The following HHAT variants were observed in gnomAD, a reference collection of about 807,000 sequenced individuals.
The protein encoded by HHAT is protein-cysteine N-palmitoyltransferase HHAT.
In HHAT, 47 loss-of-function variants were observed where a neutral mutation model predicts 70.8. The observed-to-expected ratio is 0.66, with a 90% confidence interval of 0.53 to 0.85. The LOEUF (loss-of-function observed/expected upper bound fraction) is 0.85, where lower values mean the gene tolerates loss of function less well. Ranked by LOEUF, HHAT falls within the 40% of genes least tolerant of loss-of-function variation. The pLI, the probability that HHAT is intolerant of heterozygous loss-of-function variation, is 0.00. For missense variants in HHAT, 609 were observed against 604.8 expected, an observed-to-expected ratio of 1.01 and a Z score of -0.07; for synonymous variants, 228 against 247.6, an observed-to-expected ratio of 0.92 and a Z score of 0.74.
chr1:210,595,139 C>T lies in HHAT; in HGVS notation c.1245+7040C>T, dbSNP rs1304584217. On this transcript the variant is annotated intron_variant, in intron 10 of 11. Transcript: ENST00000261458. ...ACTCCCCCCACCCCACAACAGGCCCCAGTGTGTGATGTTCCCCTTCCTGTG... is the reference window on the plus strand; with the variant it reads ...ACTCCCCCCACCCCACAACAGGCCCTAGTGTGTGATGTTCCCCTTCCTGTG... Among the ~76,000 whole-genome samples the T allele has an allele frequency of 5.9e-5, 9 of 152,176 alleles. No homozygotes were observed. The East Asian group carries it at 1.7e-3, about 30-fold the overall frequency.
chr1:210,464,121 C>T (rs746946449), intron 7 of HHAT, among the ~76,000 whole-genome samples: 2 of 151,602 alleles, frequency 1.3e-5, no homozygotes, highest in Non-Finnish European at 2.9e-5. Flanking sequence ...CCCTGTTATT[C>T]GGTCAAATAC....
intron 9 of HHAT, among the ~76,000 whole-genome samples, chr1:210,574,303 A>G (rs895216962): frequency 3.3e-5 from 5 of 152,186 alleles, no homozygotes; most frequent in Non-Finnish European, 7.3e-5. Flanking sequence ...GGGGGATGGG[A>G]TGGCATGATT....
chr1:210,510,888 T>C (rs2094941760), intron 8 of HHAT, among the ~76,000 whole-genome samples: 1 of 152,232 alleles, frequency 6.6e-6, no homozygotes, highest in African/African-American at 2.4e-5. Context: ...ATGTCTGCTT[T>C]GTCCTGTGAT....
At chr1:210,603,148 C>T (rs181883136) in intron 10 of HHAT, among the ~76,000 whole-genome samples, 8 of 152,282 alleles carry the variant, frequency 5.3e-5, no homozygotes, top group East Asian at 1.9e-4. Flanking sequence ...TGGAGTAAGA[C>T]GGGTGTCCTG....
intron 7 of HHAT, among the ~76,000 whole-genome samples, chr1:210,448,707 T>G (rs1303800422): frequency 6.6e-6 from 1 of 152,216 alleles, no homozygotes; most frequent in Non-Finnish European, 1.5e-5. Flanking sequence ...TAAATTTTCC[T>G]GTGAAATTAA....
chr1:210,373,231 G>A (rs1402682484), intron 3 of HHAT, among the ~76,000 whole-genome samples: 1 of 152,124 alleles, frequency 6.6e-6, no homozygotes, highest in Non-Finnish European at 1.5e-5. Context: ...GACTCAGAGA[G>A]AAAGGGGGAC....
At chr1:210,503,182 A>T (rs1030216576) in intron 8 of HHAT, among the ~76,000 whole-genome samples, 20 of 151,962 alleles carry the variant, frequency 1.3e-4, no homozygotes, top group East Asian at 1.9e-4. Context: ...CTGGTCTCGA[A>T]CTCCTGGCCT....
intron 9 of HHAT, among the ~76,000 whole-genome samples, chr1:210,571,403 C>T (rs948821433): frequency 6.6e-6 from 1 of 152,198 alleles, no homozygotes; most frequent in African/African-American, 2.4e-5. Context: ...CCTGCAGTTT[C>T]TCCTGTCATG....
intron 2 of HHAT, among the ~76,000 whole-genome samples, chr1:210,355,769 G>T (rs2087544289): frequency 6.6e-6 from 1 of 152,176 alleles, no homozygotes; most frequent in South Asian, 2.1e-4. Context: ...TGAAATGTCT[G>T]CATCAGTGTC....
At chr1:210,383,120 T>G (rs908496193) in intron 3 of HHAT, among the ~76,000 whole-genome samples, 13 of 152,176 alleles carry the variant, frequency 8.5e-5, no homozygotes, top group Admixed American at 6.5e-4. Context: ...CTGGTGGATC[T>G]CTTGAGGTCA....
intron 5 of HHAT, among the ~76,000 whole-genome samples, chr1:210,403,741 T>C (rs961837323): frequency 6.6e-6 from 1 of 152,212 alleles, no homozygotes; most frequent in African/African-American, 2.4e-5. Flanking sequence ...ATGGAAAATG[T>C]AGAAAAATAT....
chr1:210,672,007 C>T (rs1363108379), intron 11 of HHAT, among the ~76,000 whole-genome samples: 4 of 152,192 alleles, frequency 2.6e-5, no homozygotes, highest in East Asian at 1.9e-4. Context: ...GCCCTCCCAC[C>T]GTTACTATTA....
intron 1 of HHAT, among the ~76,000 whole-genome samples, chr1:210,339,776 T>G (rs2147934642): frequency 6.6e-6 from 1 of 152,326 alleles, no homozygotes. Flanking sequence ...CACAAAATCC[T>G]TAAAAAGAAT....
chr1:210,411,523 G>A (rs778260704), intron 6 of HHAT, among the ~76,000 whole-genome samples: 3 of 152,148 alleles, frequency 2.0e-5, no homozygotes, highest in Non-Finnish European at 2.9e-5. Context: ...GGAGGCTGAG[G>A]TAGGAGGATC....
chr1:210,633,628 C>T (rs1671296967), intron 11 of HHAT, among the ~76,000 whole-genome samples: 1 of 145,094 alleles, frequency 6.9e-6, no homozygotes, highest in South Asian at 2.2e-4. Flanking sequence ...TTATCTTCTC[C>T]TCTTCTGCCC....
chr1:210,476,289 C>T (rs1033132820), intron 8 of HHAT, among the ~76,000 whole-genome samples: 5 of 152,184 alleles, frequency 3.3e-5, no homozygotes, highest in Non-Finnish European at 7.3e-5. Flanking sequence ...TCTTGGTATA[C>T]TAACAAATTC....
At chr1:210,588,734 C>T (rs1237005671) in intron 10 of HHAT, 2 of 152,212 alleles carry the variant, frequency 1.3e-5, no homozygotes. Context: ...CTTATTAACT[C>T]TTAACTGCCC....
intron 11 of HHAT, among the ~76,000 whole-genome samples, chr1:210,644,096 G>A (rs1174699079): frequency 6.6e-6 from 1 of 152,124 alleles, no homozygotes; most frequent in Non-Finnish European, 1.5e-5. Flanking sequence ...AAAGATGTTG[G>A]AGGAGAGACT....
At position 210,675,821 on chromosome 1, in the gene HHAT, G is replaced by T. The variant is rs1419196100; in HGVS notation, c.*1442G>T. 1 of 152,276 alleles carries T rather than the reference G, an allele frequency of 6.6e-6. No individual in the cohort carries two copies. Among genetic ancestry groups the T allele is most frequent in the Non-Finnish European group, 1.5e-5 (1 of 68,082 alleles). 9.4% of individuals were successfully genotyped at this position (152,276 alleles called of 1,614,324 possible). A position where few individuals can be genotyped will look rare whatever the true frequency, so the allele number is the denominator to read the frequency against. On this transcript the variant is annotated 3_prime_UTR_variant, in exon 12 of 12. Coordinates refer to ENST00000261458, the MANE Select transcript of HHAT (RefSeq NM_018194.6). ...GCAAGACAGAGGCCAGAGAGGGGCA[G>T]GTAGACCTGCATAGCAGCAGCCTCA...
Sources: gnomAD v4.1 joint callset for allele counts (sites outside exome capture counted in the v4.1 genomes callset) on GRCh38, gnomAD v4.1.1 for gene constraint, MANE v1.5 for transcripts, NCBI Gene and HGNC (gene_info 2026-07-23, HGNC 2026-07-21) for gene names.